WDFY2: variants seen among roughly 807,000 people sequenced by gnomAD.
WDFY2 encodes the protein WD repeat and FYVE domain-containing protein 2.
In WDFY2, 36 loss-of-function variants were observed where a neutral mutation model predicts 56.4. That is an observed-to-expected ratio of 0.64 (90% CI 0.49 to 0.84). The LOEUF is 0.84. WDFY2 is among the 40% of genes least tolerant of loss of function. WDFY2 has a pLI of 0.00. For synonymous variants in WDFY2, 176 were observed against 183.7 expected (o/e 0.96, Z 0.34); for missense variants, 444 against 512.2 (o/e 0.87, Z 1.29).
chr13:51,726,305 T>A (rs778388259), intron 5 of WDFY2, among the ~76,000 whole-genome samples: 1 of 152,206 alleles, frequency 6.6e-6, no homozygotes, highest in Non-Finnish European at 1.5e-5. Context: ...CTGCATAATA[T>A]TCTATTGTGT....
At chr13:51,759,405 G>T (rs1489940181) in intron 11 of WDFY2, among the ~76,000 whole-genome samples, 1 of 152,196 alleles carries the variant, frequency 6.6e-6, no homozygotes, top group East Asian at 1.9e-4. Context: ...TGCTGCCTCA[G>T]ATGTAAACAC....
rs1953333008 is a variant in WDFY2 at position 51,754,982 on chromosome 13, C to T, written c.832-376C>T. The stretch of plus-strand genomic sequence containing the variant: ...CCAGCCTCATCTCTCATTTCCCCAT[C>T]TGTGCTCCAGCCATCCCCAGGTCTC... On this transcript the variant is annotated intron_variant, in intron 8 of 11. Transcript: ENST00000298125. Among the ~76,000 whole-genome samples, 2 of 152,224 alleles carry T rather than the reference C, an allele frequency of 1.3e-5. 1 individual carries two copies. Among genetic ancestry groups the T allele is most frequent in the South Asian group, 4.1e-4 (2 of 4,836 alleles).
chr13:51,721,780 G>A (rs1036152336), intron 5 of WDFY2, among the ~76,000 whole-genome samples: 4 of 152,122 alleles, frequency 2.6e-5, no homozygotes, highest in African/African-American at 9.7e-5. Context: ...TTCCTCTTGA[G>A]TATTTTTCCA....
intron 1 of WDFY2, among the ~76,000 whole-genome samples, chr13:51,628,352 T>G (rs1465590889): frequency 1.3e-5 from 2 of 152,202 alleles, no homozygotes; most frequent in East Asian, 3.8e-4. Context: ...GGGCTTTGCT[T>G]CAACTTTGTT....
intron 9 of WDFY2, 40 bp from the exon 10 acceptor site, chr13:51,756,292 G>A: frequency 1.9e-6 from 3 of 1,584,354 alleles, no homozygotes; most frequent in South Asian, 1.2e-5. Flanking sequence ...CAGGAGCTGA[G>A]GGAGCCGTGA....
At chr13:51,585,700 A>G (rs1446897575) in intron 1 of WDFY2, among the ~76,000 whole-genome samples, 2 of 152,242 alleles carry the variant, frequency 1.3e-5, no homozygotes, top group Non-Finnish European at 2.9e-5. Flanking sequence ...TAAAATCTAT[A>G]TAAGCATTCT....
Position 51,615,352 on chromosome 13 carries a change from T to TA in WDFY2, c.137+30538dup, listed in dbSNP as rs535477907. ...AACAAATAATTAAATCAGTGCAAATTAAAAAAAAAACACTGAAACATCATT... is the reference window on the plus strand; with the variant it reads ...AACAAATAATTAAATCAGTGCAAATTAAAAAAAAAAACACTGAAACATCATT... On this transcript the variant is annotated intron_variant, in intron 1 of 11. Coordinates refer to ENST00000298125, the MANE Select transcript of WDFY2 (RefSeq NM_052950.4). Among the ~76,000 whole-genome samples, 279 of 148,550 alleles carry TA rather than the reference T, an allele frequency of 1.9e-3. 5 individuals carry two copies. In the South Asian group the frequency reaches 0.025, roughly 13 times the overall value.
chr13:51,627,415 C>T (rs1225827396), intron 1 of WDFY2, among the ~76,000 whole-genome samples: 1 of 152,090 alleles, frequency 6.6e-6, no homozygotes, highest in Non-Finnish European at 1.5e-5. Context: ...GTCACCCAGG[C>T]TGGAGTGCAG....
At chr13:51,599,906 A>G (rs937397736) in intron 1 of WDFY2, among the ~76,000 whole-genome samples, 1 of 151,840 alleles carries the variant, frequency 6.6e-6, no homozygotes, top group Non-Finnish European at 1.5e-5. Context: ...CAAAAAAAAA[A>G]ACAAAACAAA....
chr13:51,703,633 C>A lies in WDFY2; in HGVS notation c.317C>A (p.Pro106His). 1 of 1,609,634 alleles carries A rather than the reference C, an allele frequency of 6.2e-7. No individual in the cohort carries two copies. Among genetic ancestry groups the A allele is most frequent in the Non-Finnish European group, 8.5e-7 (1 of 1,177,752 alleles). ...ILSEDYNKMT[P>H]VKNYQAHQSR... ...TCAGAAGATTATAACAAGATGACTC[C>A]TGTGAAAAACTATCAAGGTAGGGAG... The change falls in exon 4 of 12, where the codon CCT (proline) becomes CAT (histidine). Residue 106 changes from proline to histidine, a missense_variant. By Grantham distance (77) the Pro-to-His change is moderately conservative. Coordinates refer to ENST00000298125, the MANE Select transcript of WDFY2 (RefSeq NM_052950.4).
intron 3 of WDFY2, among the ~76,000 whole-genome samples, chr13:51,677,977 T>C (rs1207810177): frequency 6.6e-6 from 1 of 152,186 alleles, no homozygotes; most frequent in African/African-American, 2.4e-5. Flanking sequence ...GTAAAGATAA[T>C]GAGGTGAGAG....
At chr13:51,640,489 T>C (rs1473233400) in intron 1 of WDFY2, among the ~76,000 whole-genome samples, 2 of 152,226 alleles carry the variant, frequency 1.3e-5, no homozygotes, top group African/African-American at 4.8e-5. Flanking sequence ...TACCTGGTAA[T>C]GCTACAGTAC....
chr13:51,590,568 TTTG>T (rs2138285352), intron 1 of WDFY2: 2 of 152,304 alleles, frequency 1.3e-5, no homozygotes, highest in East Asian at 3.9e-4. Flanking sequence ...CAGGTGGTGA[TTTG>T]TTGATATCTG....
At chr13:51,630,261 T>A (rs1954926485) in intron 1 of WDFY2, among the ~76,000 whole-genome samples, 1 of 152,186 alleles carries the variant, frequency 6.6e-6, no homozygotes, top group Non-Finnish European at 1.5e-5. Context: ...TTCTTATTTA[T>A]TCCCATGTAC....
chr13:51,679,812 G>T (rs764120190), intron 3 of WDFY2, among the ~76,000 whole-genome samples: 3 of 152,036 alleles, frequency 2.0e-5, no homozygotes, highest in Non-Finnish European at 4.4e-5. Flanking sequence ...AGCTTCTGGT[G>T]GTTGCTAGCA....
At position 51,660,604 on chromosome 13, in the gene WDFY2, G is replaced by T. The variant is rs138129235; in HGVS notation, c.146G>T (p.Arg49Leu). The T allele has an allele frequency of 1.9e-6, 3 of 1,613,670 alleles. No homozygotes were observed. Among genetic ancestry groups the T allele is most frequent in the African/African-American group, 2.7e-5 (2 of 74,982 alleles). ...ATTTTCTTCTGTTGTAGGACAGTTCGTGTTTGGTTAAAGAGAGACAGTGGA... is the reference window on the plus strand; with the variant it reads ...ATTTTCTTCTGTTGTAGGACAGTTCTTGTTTGGTTAAAGAGAGACAGTGGA... ...VISVSEDRTVRVWLKRDSGQY... is the reference protein window; with the variant it reads ...VISVSEDRTVLVWLKRDSGQY... The change falls in exon 2 of 12, where the codon CGT (arginine) becomes CTT (leucine). Residue 49 changes from arginine (R) to leucine (L), a missense_variant. Coordinates refer to ENST00000298125, the MANE Select transcript of WDFY2 (RefSeq NM_052950.4).
intron 1 of WDFY2, among the ~76,000 whole-genome samples, chr13:51,609,469 G>A (rs1285389437): frequency 1.3e-5 from 2 of 152,090 alleles, no homozygotes; most frequent in South Asian, 2.1e-4. Context: ...AAAATAAAGT[G>A]AGAATTTGGG....
chr13:51,655,515 C>T (rs1955493911), intron 1 of WDFY2, among the ~76,000 whole-genome samples: 1 of 151,776 alleles, frequency 6.6e-6, no homozygotes, highest in South Asian at 2.1e-4. Flanking sequence ...TATTGAACTA[C>T]CCTTGCATTC....
intron 1 of WDFY2, among the ~76,000 whole-genome samples, chr13:51,646,366 G>C (rs1022079781): frequency 1.3e-5 from 2 of 152,176 alleles, no homozygotes; most frequent in African/African-American, 4.8e-5. Flanking sequence ...CTGCATTTCA[G>C]ACACCATTAT....
Sources: gnomAD v4.1 joint callset for allele counts (sites outside exome capture counted in the v4.1 genomes callset) on GRCh38, gnomAD v4.1.1 for gene constraint, MANE v1.5 for transcripts, NCBI Gene and HGNC (gene_info 2026-07-23, HGNC 2026-07-21) for gene names.